ZFHX3: variants seen among roughly 807,000 people sequenced by gnomAD.
ZFHX3 encodes zinc finger homeobox 3.
A neutral mutation model predicts 279.1 loss-of-function variants in ZFHX3; 42 were observed. The observed-to-expected ratio is 0.15, with a 90% CI of 0.12 to 0.19. The LOEUF (loss-of-function observed/expected upper bound fraction) is 0.19, where lower values mean the gene tolerates loss of function less well. ZFHX3 is among the 10% of genes least tolerant of loss of function. The probability of loss-of-function intolerance (pLI) is 1.00; values close to 1 mark genes in which losing one functional copy is unlikely to be tolerated. For missense variants in ZFHX3, 4,981 were observed against 4,754.0 expected (o/e 1.05, Z -1.40); for synonymous variants, 2,293 against 1,957.8 (o/e 1.17, Z -4.52).
chr16:72,912,467 T>C (rs1182637842), intron 3 of ZFHX3, among the ~76,000 whole-genome samples: 1 of 152,154 alleles, frequency 6.6e-6, no homozygotes, highest in Non-Finnish European at 1.5e-5. Flanking sequence ...AAAATACATC[T>C]GAAAAGAAAC....
chr16:73,397,117 T>C (rs993098052), intron 3 of ZFHX3, among the ~76,000 whole-genome samples: 1 of 152,212 alleles, frequency 6.6e-6, no homozygotes, highest in African/African-American at 2.4e-5. Context: ...CTTTGTTACT[T>C]ACATGGATGT....
In ZFHX3 at chr16:72,800,120, G is replaced by C. The variant is rs182741552; in HGVS notation, c.3874C>G (p.Pro1292Ala). The C allele has an allele frequency of 6.2e-7, 1 of 1,614,088 alleles. No homozygotes were observed. The highest frequency in any genetic ancestry group is 2.2e-5 in the East Asian group (1 of 44,874). The change falls in exon 8 of 10, where the codon CCT becomes GCT. Residue 1292 changes from proline (P) to alanine (A), a missense_variant. Pro to Ala is a conservative substitution (Grantham distance 27, BLOSUM62 -1). Coordinates refer to ENST00000268489, the MANE Select transcript of ZFHX3 (RefSeq NM_006885.4). ...VEKLIMTVTT[P>A]EMVMPSSMFL... The stretch of plus-strand genomic sequence containing the variant: ...ATGCTGCTTGGCATCACCATCTCAG[G>C]GGTGGTCACCTGAGGAGCAAGAGCA...
At chr16:72,985,667 C>G (rs946108748) in intron 1 of ZFHX3, among the ~76,000 whole-genome samples, 3 of 152,192 alleles carry the variant, frequency 2.0e-5, no homozygotes, top group Non-Finnish European at 1.5e-5. Flanking sequence ...GTTGTACTGG[C>G]TTCCAGATTC....
intron 1 of ZFHX3, among the ~76,000 whole-genome samples, chr16:73,868,125 C>G (rs931337935): frequency 2.0e-5 from 3 of 152,142 alleles, no homozygotes; most frequent in African/African-American, 7.2e-5. Context: ...GTTAAATAGC[C>G]CAGAGTTCAT....
intron 1 of ZFHX3, among the ~76,000 whole-genome samples, chr16:73,700,439 G>A (rs1351974442): frequency 2.0e-5 from 3 of 152,058 alleles, no homozygotes; most frequent in East Asian, 1.9e-4. Context: ...TTCCTCAAGC[G>A]TGTGTTACTT....
At chr16:73,135,449 A>G (rs1966770903) in intron 6 of ZFHX3, among the ~76,000 whole-genome samples, 1 of 152,178 alleles carries the variant, frequency 6.6e-6, no homozygotes. Context: ...GCCTGATGAG[A>G]CTGTCCCTTA....
chr16:73,800,523 T>C (rs1960115174), intron 1 of ZFHX3, among the ~76,000 whole-genome samples: 1 of 152,150 alleles, frequency 6.6e-6, no homozygotes, highest in African/African-American at 2.4e-5. Context: ...GGCCTACTAT[T>C]GTTATTTATG....
In ZFHX3 at chr16:72,951,277, C is replaced by T. The variant is rs1459207311; in HGVS notation, c.2720-312G>A. On this transcript the variant is annotated intron_variant, in intron 2 of 9. Transcript: ENST00000268489. Reference sequence around the variant, plus strand: ...ATATTTCCTTTTCTTTTTTTTTTTCCCGAGATGGAGTCTTGCCCTGTTGCC... The same window carrying T: ...ATATTTCCTTTTCTTTTTTTTTTTCTCGAGATGGAGTCTTGCCCTGTTGCC... Among the ~76,000 whole-genome samples the T allele has an allele frequency of 2.0e-5, 3 of 150,754 alleles. No individual in the cohort carries two copies. In the South Asian group the frequency reaches 6.3e-4, roughly 31 times the overall value.
intron 2 of ZFHX3, among the ~76,000 whole-genome samples, chr16:73,541,832 T>G (rs1031873148): frequency 3.9e-5 from 5 of 128,536 alleles, no homozygotes; most frequent in Non-Finnish European, 1.6e-5. Context: ...AGATGGAGTC[T>G]CACTCTGTCA....
intron 2 of ZFHX3, among the ~76,000 whole-genome samples, chr16:73,665,033 G>A (rs2052820787): frequency 6.6e-6 from 1 of 152,152 alleles, no homozygotes; most frequent in Admixed American, 6.6e-5. Context: ...CCTCTTGTCT[G>A]CTGAAGAGTG....
chr16:73,873,833 C>A (rs1040293643), intron 1 of ZFHX3, among the ~76,000 whole-genome samples: 10 of 152,122 alleles, frequency 6.6e-5, no homozygotes, highest in African/African-American at 2.4e-4. Context: ...TGGCAAACGG[C>A]AAACATCCCC....
At chr16:73,279,965 A>G (rs2014415018) in intron 4 of ZFHX3, among the ~76,000 whole-genome samples, 1 of 152,218 alleles carries the variant, frequency 6.6e-6, no homozygotes, top group Non-Finnish European at 1.5e-5. Context: ...AAATAAACTC[A>G]TGTATAGATG....
At chr16:72,872,277 T>A (rs1470688698) in intron 4 of ZFHX3, among the ~76,000 whole-genome samples, 2 of 152,144 alleles carry the variant, frequency 1.3e-5, no homozygotes, top group Non-Finnish European at 2.9e-5. Flanking sequence ...AGGAAAATGT[T>A]CAATGAAAAC....
At chr16:73,062,621 G>A (rs1965698210), upstream of ZFHX3, among the ~76,000 whole-genome samples, 1 of 152,140 alleles carries the variant, frequency 6.6e-6, no homozygotes. Context: ...CCATCTTAAG[G>A]GGCAAGGAGG....
chr16:73,246,590 T>A (rs1483771025), intron 5 of ZFHX3, among the ~76,000 whole-genome samples: 1 of 152,168 alleles, frequency 6.6e-6, no homozygotes, highest in Non-Finnish European at 1.5e-5. Flanking sequence ...ACATATCTCT[T>A]GATTAATCTC....
chr16:73,337,206 G>A (rs2015930373), intron 3 of ZFHX3, among the ~76,000 whole-genome samples: 1 of 152,040 alleles, frequency 6.6e-6, no homozygotes. Flanking sequence ...CTCCTAATCT[G>A]ACCCAACCTT....
At chr16:73,427,718 G>A (rs987587657) in intron 3 of ZFHX3, among the ~76,000 whole-genome samples, 8 of 152,066 alleles carry the variant, frequency 5.3e-5, no homozygotes, top group South Asian at 2.1e-4. Context: ...GGCAGACCAC[G>A]AGGTCAGGAG....
intron 1 of ZFHX3, among the ~76,000 whole-genome samples, chr16:73,771,296 T>C (rs1015853730): frequency 3.9e-5 from 6 of 152,122 alleles, no homozygotes; most frequent in African/African-American, 1.4e-4. Context: ...TACAGGATCA[T>C]CTTCCCCTTA....
chr16:73,290,353 A>G (rs1381813713), intron 4 of ZFHX3, among the ~76,000 whole-genome samples: 1 of 152,184 alleles, frequency 6.6e-6, no homozygotes, highest in African/African-American at 2.4e-5. Flanking sequence ...CGAAAAAAAC[A>G]CACTAAAGCT....
Sources: allele counts gnomAD v4.1 joint callset (sites outside exome capture counted in the v4.1 genomes callset), GRCh38; gene constraint gnomAD v4.1.1; transcripts MANE v1.5; gene names NCBI Gene and HGNC (gene_info 2026-07-23, HGNC 2026-07-21).